The following ABCA10 variants were observed in gnomAD, a reference collection of about 807,000 sequenced individuals.
The protein encoded by ABCA10 is ATP binding cassette subfamily A member 10, also known as ATP-binding cassette sub-family A member 10.
Under a neutral mutation model 187.5 loss-of-function variants are expected in ABCA10, and 169 were observed. That is an observed-to-expected ratio of 0.90 (90% CI 0.80 to 1.02). ABCA10 has a LOEUF of 1.02. Ranked by LOEUF, ABCA10 falls within the 50% of genes least tolerant of loss-of-function variation. The probability of loss-of-function intolerance (pLI) is 0.00; values close to 1 mark genes in which losing one functional copy is unlikely to be tolerated. For missense variants in ABCA10, 1,727 were observed against 1,812.4 expected (o/e 0.95, Z 0.86); for synonymous variants, 574 against 601.8 (o/e 0.95, Z 0.68).
At chr17:69,193,351 C>T in intron 14 of ABCA10, 103 bp from the exon 15 acceptor site, 1 of 1,520,764 alleles carries the variant, frequency 6.6e-7, no homozygotes, top group South Asian at 1.3e-5. Flanking sequence ...ATACAGTCCT[C>T]CACCAGATCC....
At chr17:69,172,448 A>G (rs1213120796) in intron 25 of ABCA10, among the ~76,000 whole-genome samples, 1 of 152,142 alleles carries the variant, frequency 6.6e-6, no homozygotes, top group Non-Finnish European at 1.5e-5. Context: ...GACCATGAGA[A>G]GACCTGGAAG....
At chr17:69,211,710 G>C (rs1446562856) in intron 9 of ABCA10, among the ~76,000 whole-genome samples, 1 of 151,960 alleles carries the variant, frequency 6.6e-6, no homozygotes, top group Non-Finnish European at 1.5e-5. Flanking sequence ...GTTTATTCTA[G>C]AAGGGTTGCA....
intron 18 of ABCA10, among the ~76,000 whole-genome samples, chr17:69,188,460 A>C (rs1295210982): frequency 6.6e-6 from 1 of 151,122 alleles, no homozygotes; most frequent in African/African-American, 2.4e-5. Context: ...AATATAATTC[A>C]AGGACTGAGT....
intron 6 of ABCA10, among the ~76,000 whole-genome samples, chr17:69,218,546 A>G (rs2074722882): frequency 6.6e-6 from 1 of 152,100 alleles, no homozygotes; most frequent in Non-Finnish European, 1.5e-5. Context: ...AATATTTATT[A>G]CTATAATTGT....
At chr17:69,239,891 C>G (rs1217396617) in intron 1 of ABCA10, among the ~76,000 whole-genome samples, 1 of 152,154 alleles carries the variant, frequency 6.6e-6, no homozygotes, top group African/African-American at 2.4e-5. Flanking sequence ...ATATAGTACA[C>G]CCACGCAGGA....
chr17:69,161,544 T>C (rs868593218), intron 27 of ABCA10, among the ~76,000 whole-genome samples: 14 of 152,172 alleles, frequency 9.2e-5, no homozygotes, highest in Non-Finnish European at 1.8e-4. Context: ...CGAAAGCCGC[T>C]TCTAGGCCTG....
intron 19 of ABCA10, among the ~76,000 whole-genome samples, chr17:69,186,559 A>C (rs1019466532): frequency 2.0e-5 from 3 of 152,170 alleles, no homozygotes; most frequent in African/African-American, 7.2e-5. Context: ...CTCCACAGTC[A>C]AGCACCGCAA....
At chr17:69,195,263 A>G (rs1447847107) in intron 11 of ABCA10, among the ~76,000 whole-genome samples, 3 of 152,216 alleles carry the variant, frequency 2.0e-5, no homozygotes, top group African/African-American at 7.2e-5. Context: ...GAAGAGTTCT[A>G]TGAAAGTAAA....
intron 1 of ABCA10, among the ~76,000 whole-genome samples, chr17:69,237,520 C>T (rs983034172): frequency 6.6e-6 from 1 of 152,132 alleles, no homozygotes; most frequent in Non-Finnish European, 1.5e-5. Context: ...AGACCATCCC[C>T]CTCCCACTTG....
chr17:69,200,086 C>T (rs1248332658), intron 10 of ABCA10, among the ~76,000 whole-genome samples: 1 of 152,118 alleles, frequency 6.6e-6, no homozygotes, highest in Non-Finnish European at 1.5e-5. Context: ...CCCACTGCTC[C>T]CAGATAATTT....
chr17:69,163,499 C>T (rs952296255), intron 27 of ABCA10, among the ~76,000 whole-genome samples: 2 of 152,094 alleles, frequency 1.3e-5, no homozygotes, highest in African/African-American at 4.8e-5. Context: ...AATATACATT[C>T]ATTATACAAA....
chr17:69,229,623 G>A (rs992539854), upstream of ABCA10, among the ~76,000 whole-genome samples: 1 of 151,860 alleles, frequency 6.6e-6, no homozygotes, highest in African/African-American at 2.4e-5. Context: ...AAAGGACTCA[G>A]AGACTCTTCA....
intron 3 of ABCA10, 103 bp downstream of exon 3, chr17:69,225,216 CTCAGTT>C: frequency 4.0e-6 from 5 of 1,254,512 alleles, no homozygotes; most frequent in Non-Finnish European, 5.7e-6. Flanking sequence ...GAATCTTTGC[CTCAGTT>C]GAGAATCACT....
intron 11 of ABCA10, among the ~76,000 whole-genome samples, 179 bp downstream of exon 11, chr17:69,196,885 C>T (rs1044894644): frequency 7.9e-5 from 12 of 152,252 alleles, no homozygotes; most frequent in African/African-American, 7.2e-5. Context: ...TGGCAGCACG[C>T]GCCTGCAATC....
chr17:69,235,827 A>T (rs1193739841), intron 1 of ABCA10, among the ~76,000 whole-genome samples: 1 of 152,180 alleles, frequency 6.6e-6, no homozygotes, highest in Non-Finnish European at 1.5e-5. Context: ...AAAGTTAGAG[A>T]TGCAATACTT....
rs114361309 is a variant in ABCA10, at chr17:69,208,914, T to C, written c.1006+5790A>G. Among the ~76,000 whole-genome samples, 1,417 of 152,166 alleles carry C rather than the reference T, an allele frequency of 9.3e-3. 16 individuals carry two copies. The highest frequency in any genetic ancestry group is 0.031 in the African/African-American group (1,293 of 41,496). ...AAAATTAGTCTGGTGTGGTGGCACA[T>C]GTCTGTGGTCCCAGCTACAGAGGAG... is the stretch of plus-strand genomic sequence containing the variant. On this transcript the variant is annotated intron_variant, in intron 9 of 38. Transcript: ENST00000690296.
In ABCA10 at chr17:69,156,994, AT is replaced by A. The variant is rs35926489; in HGVS notation, c.3364-72del. Reference sequence around the variant, plus strand: ...CACACTCAATGGTGAATATTTGTCCATTTTTTTGTCACAGAAGATTTGATCA... The same window carrying A: ...CACACTCAATGGTGAATATTTGTCCATTTTTTGTCACAGAAGATTTGATCA... On this transcript the variant is annotated intron_variant, in intron 27 of 38. Transcript: ENST00000690296. 1.7e-4 allele frequency: 155 copies of A among 931,832 alleles called. No individual in the cohort carries two copies. In the African/African-American group the frequency reaches 2.0e-3, roughly 12 times the overall value. 57.7% of individuals were successfully genotyped at this position (931,832 alleles called of 1,614,324 possible).
chr17:69,205,672 G>A (rs2074586171), intron 9 of ABCA10, among the ~76,000 whole-genome samples: 1 of 152,102 alleles, frequency 6.6e-6, no homozygotes, highest in African/African-American at 2.4e-5. Context: ...ACTAAATAAT[G>A]AACTAAAAGC....
intron 9 of ABCA10, among the ~76,000 whole-genome samples, chr17:69,208,568 A>C (rs11868299): frequency 0.53 from 81,215 of 151,946 alleles, 23,997 homozygotes; most frequent in Non-Finnish European, 0.67. Flanking sequence ...CCCACTACAA[A>C]AAATTCTCAT....
Sources: gnomAD v4.1 joint callset for allele counts (sites outside exome capture counted in the v4.1 genomes callset) on GRCh38, gnomAD v4.1.1 for gene constraint, MANE v1.5 for transcripts, NCBI Gene and HGNC (gene_info 2026-07-23, HGNC 2026-07-21) for gene names.